Variants in HPSE2 observed in about 807,000 individuals in gnomAD.
HPSE2 encodes the protein inactive heparanase-2.
In HPSE2, 38 loss-of-function variants were observed where a neutral mutation model predicts 60.5. The observed-to-expected ratio is 0.63, with a 90% CI of 0.48 to 0.82. The LOEUF (loss-of-function observed/expected upper bound fraction) is 0.82. Ranked by LOEUF, HPSE2 falls within the 40% of genes least tolerant of loss-of-function variation. The probability of loss-of-function intolerance (pLI) is 0.00; values close to 1 mark genes in which losing one functional copy is unlikely to be tolerated. For synonymous variants in HPSE2, 295 were observed against 293.2 expected (o/e 1.01, Z -0.06); for missense variants, 713 against 740.4 (o/e 0.96, Z 0.43).
chr10:98,529,111 A>G (rs1943059226), intron 9 of HPSE2, among the ~76,000 whole-genome samples: 1 of 152,236 alleles, frequency 6.6e-6, no homozygotes, highest in Admixed American at 6.5e-5. Flanking sequence ...TACTCAACCA[A>G]CACACACTCA....
At chr10:98,702,792 G>A (rs772171793) in intron 5 of HPSE2, among the ~76,000 whole-genome samples, 2 of 151,790 alleles carry the variant, frequency 1.3e-5, no homozygotes, top group Non-Finnish European at 2.9e-5. Flanking sequence ...TAGAGCAGAG[G>A]GAAATTTACA....
intron 9 of HPSE2, among the ~76,000 whole-genome samples, chr10:98,605,673 C>T (rs1945560101): frequency 6.6e-6 from 1 of 152,140 alleles, no homozygotes. Context: ...GTATGAAGGG[C>T]AATAAACAGG....
chr10:98,963,183 T>C (rs952463431), intron 3 of HPSE2, among the ~76,000 whole-genome samples: 4 of 152,180 alleles, frequency 2.6e-5, no homozygotes, highest in East Asian at 1.9e-4. Flanking sequence ...CCTTCTATCA[T>C]GTTCAAGTCC....
At chr10:99,038,909 G>C (rs1035075681) in intron 3 of HPSE2, among the ~76,000 whole-genome samples, 3 of 152,110 alleles carry the variant, frequency 2.0e-5, no homozygotes, top group Admixed American at 6.6e-5. Flanking sequence ...AAGAATAAGA[G>C]AATTTTAGAG....
chr10:98,833,805 C>T (rs961648806), intron 3 of HPSE2, among the ~76,000 whole-genome samples: 6 of 152,028 alleles, frequency 3.9e-5, no homozygotes, highest in Non-Finnish European at 7.4e-5. Flanking sequence ...ACTTTTGAGC[C>T]TAGACCTTTA....
chr10:98,680,860 ATCC>A, intron 6 of HPSE2, among the ~76,000 whole-genome samples: 1 of 151,970 alleles, frequency 6.6e-6, no homozygotes, highest in Non-Finnish European at 1.5e-5. Context: ...GGCTCAAGCA[ATCC>A]TCCTATCTCA....
intron 3 of HPSE2, among the ~76,000 whole-genome samples, chr10:98,923,271 T>C (rs763647338): frequency 1.3e-5 from 2 of 152,220 alleles, no homozygotes; most frequent in Non-Finnish European, 2.9e-5. Flanking sequence ...GCCAGACCTA[T>C]TGGAGCTCCA....
intron 3 of HPSE2, among the ~76,000 whole-genome samples, chr10:98,756,382 A>G (rs1159985034): frequency 6.6e-6 from 1 of 152,094 alleles, no homozygotes; most frequent in Non-Finnish European, 1.5e-5. Flanking sequence ...AATAAAACTA[A>G]AAGTTTGTTT....
chr10:99,248,412 A>G, the HPSE2 span, among the ~76,000 whole-genome samples: 182 of 152,328 alleles, frequency 1.2e-3, 3 homozygotes, highest in East Asian at 0.032. Context: ...CTTGAAAGTG[A>G]TGATTTAGGG....
Position 99,235,503 on chromosome 10 carries a change from C to T in HPSE2, c.290+10G>A, listed in dbSNP as rs752740361. 1.2e-6 allele frequency: 2 copies of T among 1,613,972 alleles called. No individual in the cohort carries two copies. Among genetic ancestry groups the T allele is most frequent in the Non-Finnish European group, 1.7e-6 (2 of 1,179,970 alleles). Reference sequence around the variant, plus strand: ...AAATTTTAAATGATCCATCGAAACCCCTGCCTTACCTTAGGAAATCGAGCC... The same window carrying T: ...AAATTTTAAATGATCCATCGAAACCTCTGCCTTACCTTAGGAAATCGAGCC... On this transcript the variant is annotated intron_variant, in intron 1 of 11. Coordinates refer to ENST00000370552, the MANE Select transcript of HPSE2 (RefSeq NM_021828.5).
At chr10:99,018,330 A>G (rs1957187648) in intron 3 of HPSE2, among the ~76,000 whole-genome samples, 1 of 152,180 alleles carries the variant, frequency 6.6e-6, no homozygotes, top group Non-Finnish European at 1.5e-5. Context: ...CTGGGTTTTC[A>G]AGGCTGCCTA....
chr10:98,906,535 A>G (rs1953821289), intron 3 of HPSE2, among the ~76,000 whole-genome samples: 1 of 152,208 alleles, frequency 6.6e-6, no homozygotes, highest in South Asian at 2.1e-4. Flanking sequence ...GAGACAAATG[A>G]TAGGGTGAAA....
At chr10:99,072,950 AAAAAAAAAAAAAAG>A (rs1842845187) in intron 3 of HPSE2, among the ~76,000 whole-genome samples, 1 of 144,548 alleles carries the variant, frequency 6.9e-6, no homozygotes, top group African/African-American at 2.6e-5. Flanking sequence ...AAAAAAAAAA[AAAAAAAAAAAAAAG>A]ACAAGAAACA....
chr10:98,853,265 AGAG>A (rs967884506), intron 3 of HPSE2, among the ~76,000 whole-genome samples: 1 of 152,192 alleles, frequency 6.6e-6, no homozygotes, highest in African/African-American at 2.4e-5. Flanking sequence ...GAAAACACAA[AGAG>A]GAGATGTTTT....
At chr10:98,816,639 G>A (rs1043591242) in intron 3 of HPSE2, among the ~76,000 whole-genome samples, 2 of 152,112 alleles carry the variant, frequency 1.3e-5, no homozygotes, top group African/African-American at 4.8e-5. Context: ...TCTCCAGCTG[G>A]AAGTACCCCA....
intron 3 of HPSE2, among the ~76,000 whole-genome samples, chr10:98,838,306 C>A (rs766245508): frequency 2.6e-5 from 4 of 152,136 alleles, no homozygotes; most frequent in Non-Finnish European, 5.9e-5. Flanking sequence ...TAGTATGTAT[C>A]TCACCTGCTT....
chr10:98,877,736 C>T (rs911190125), intron 3 of HPSE2, among the ~76,000 whole-genome samples: 1 of 151,794 alleles, frequency 6.6e-6, no homozygotes, highest in Non-Finnish European at 1.5e-5. Context: ...AACTAACATA[C>T]CAATTTTTTG....
At chr10:98,523,489 A>G (rs2133780075) in intron 9 of HPSE2, among the ~76,000 whole-genome samples, 1 of 152,334 alleles carries the variant, frequency 6.6e-6, no homozygotes, top group South Asian at 2.1e-4. Flanking sequence ...GGAAAGTCCA[A>G]TTTCAGAAAA....
At chr10:98,731,544 C>T (rs988686213) in intron 4 of HPSE2, among the ~76,000 whole-genome samples, 1 of 152,212 alleles carries the variant, frequency 6.6e-6, no homozygotes, top group African/African-American at 2.4e-5. Context: ...GCTGCAACAA[C>T]ACCACCAAAA....
Sources: gnomAD v4.1 joint callset for allele counts (sites outside exome capture counted in the v4.1 genomes callset) on GRCh38, gnomAD v4.1.1 for gene constraint, MANE v1.5 for transcripts, NCBI Gene and HGNC (gene_info 2026-07-23, HGNC 2026-07-21) for gene names.